Variants in TRAPPC9 observed in about 807,000 individuals in gnomAD.
TRAPPC9 encodes IKK2 binding protein.
In TRAPPC9, 83 loss-of-function variants were observed where a neutral mutation model predicts 124.0. That is an observed-to-expected ratio of 0.67 (90% CI 0.56 to 0.80). The LOEUF (loss-of-function observed/expected upper bound fraction) is 0.80, where lower values mean the gene tolerates loss of function less well. TRAPPC9 is among the 30% of genes least tolerant of loss of function. The pLI is 0.00. For synonymous variants in TRAPPC9, 638 were observed against 617.5 expected (o/e 1.03, Z -0.49); for missense variants, 1,302 against 1,508.3 (o/e 0.86, Z 2.27).
chr8:139,925,833 A>G lies in TRAPPC9; in HGVS notation c.2811-15533T>C, dbSNP rs199650839. On this transcript the variant is annotated intron_variant, in intron 19 of 22. Coordinates refer to ENST00000438773, the MANE Select transcript of TRAPPC9 (RefSeq NM_001160372.4). ...CGCACACGCACACGCACACGCACAC[A>G]CACACACACACACGTTTCAGATTTA... Among the ~76,000 whole-genome samples the G allele has an allele frequency of 8.3e-3, 1,240 of 149,604 alleles. 52 individuals are homozygous for G. The highest frequency in any genetic ancestry group is 0.066 in the Admixed American group (987 of 15,042).
At chr8:140,339,081 A>G (rs1367574063) in intron 9 of TRAPPC9, among the ~76,000 whole-genome samples, 1 of 151,010 alleles carries the variant, frequency 6.6e-6, no homozygotes, top group Admixed American at 6.6e-5. Flanking sequence ...GGCCACCTAC[A>G]GGCCGACGGG....
chr8:139,756,961 G>A (rs1189744434), intron 21 of TRAPPC9, among the ~76,000 whole-genome samples: 9 of 133,522 alleles, frequency 6.7e-5, no homozygotes, highest in South Asian at 2.6e-4. Flanking sequence ...ACAGCAGGTC[G>A]CAGGAGAAGC....
intron 21 of TRAPPC9, among the ~76,000 whole-genome samples, chr8:139,869,282 G>A (rs1357915211): frequency 6.6e-6 from 1 of 152,150 alleles, no homozygotes; most frequent in Non-Finnish European, 1.5e-5. Flanking sequence ...AGAAGGCAGG[G>A]GTGGTAGTTA....
At chr8:139,764,032 C>T (rs1820416813) in intron 21 of TRAPPC9, among the ~76,000 whole-genome samples, 1 of 152,146 alleles carries the variant, frequency 6.6e-6, no homozygotes, top group African/African-American at 2.4e-5. Context: ...GGTTGTGACC[C>T]CAGGGAGAAC....
chr8:139,858,670 G>T (rs1238286931), intron 21 of TRAPPC9, among the ~76,000 whole-genome samples: 1 of 152,030 alleles, frequency 6.6e-6, no homozygotes, highest in African/African-American at 2.4e-5. Context: ...CTCCCCAAGA[G>T]TCTGCTCGTC....
At chr8:140,245,518 T>C (rs2063963908) in intron 16 of TRAPPC9, among the ~76,000 whole-genome samples, 1 of 152,090 alleles carries the variant, frequency 6.6e-6, no homozygotes, top group South Asian at 2.1e-4. Context: ...AATTTAAAGT[T>C]TACCACTTTA....
At chr8:139,766,186 C>G (rs1005358366) in intron 21 of TRAPPC9, among the ~76,000 whole-genome samples, 1 of 152,226 alleles carries the variant, frequency 6.6e-6, no homozygotes, top group South Asian at 2.1e-4. Flanking sequence ...CAGCCTCAGG[C>G]TCCCTCACCA....
chr8:140,157,198 CAAA>C (rs2061663741), intron 17 of TRAPPC9, among the ~76,000 whole-genome samples: 6 of 63,944 alleles, frequency 9.4e-5, no homozygotes, highest in Admixed American at 1.9e-4. Context: ...CTTTTCCATT[CAAA>C]AGCCTCCCTT....
intron 17 of TRAPPC9, among the ~76,000 whole-genome samples, chr8:140,060,581 T>G (rs73725380): frequency 0.12 from 14,774 of 120,682 alleles, 1,027 homozygotes; most frequent in African/African-American, 0.22. Context: ...GCCCTACCCA[T>G]CCCTACCCAA....
At chr8:140,233,829 T>G (rs1249427201) in intron 16 of TRAPPC9, among the ~76,000 whole-genome samples, 1 of 150,424 alleles carries the variant, frequency 6.6e-6, no homozygotes, top group Non-Finnish European at 1.5e-5. Context: ...AAATCTTACC[T>G]CAGTAATTAT....
At chr8:139,966,374 C>T (rs1223277731) in intron 19 of TRAPPC9, among the ~76,000 whole-genome samples, 1 of 152,214 alleles carries the variant, frequency 6.6e-6, no homozygotes, top group Non-Finnish European at 1.5e-5. Context: ...GCTGAGACTT[C>T]TCACCCATCA....
At chr8:140,426,522 C>A (rs991670910) in intron 5 of TRAPPC9, 93 bp downstream of exon 5, 3 of 1,230,816 alleles carry the variant, frequency 2.4e-6, no homozygotes, top group Non-Finnish European at 2.4e-6. Context: ...TTCCAAAGAT[C>A]ATCATCCAGA....
chr8:139,939,817 A>T (rs1446044394), intron 19 of TRAPPC9, among the ~76,000 whole-genome samples: 1 of 152,212 alleles, frequency 6.6e-6, no homozygotes, highest in African/African-American at 2.4e-5. Context: ...CAGAATGGCA[A>T]CAAAAATGCC....
intron 17 of TRAPPC9, among the ~76,000 whole-genome samples, chr8:140,110,035 C>T (rs573494387): frequency 1.3e-5 from 2 of 152,220 alleles, no homozygotes; most frequent in African/African-American, 4.8e-5. Flanking sequence ...ACAGGCTCCG[C>T]ATGCCCCTGA....
intron 18 of TRAPPC9, among the ~76,000 whole-genome samples, chr8:139,990,594 C>CT (rs797022200): frequency 1.5e-3 from 227 of 147,102 alleles, no homozygotes; most frequent in African/African-American, 3.6e-3. Flanking sequence ...ATTTCTTTTT[C>CT]TTTTTTTTTT....
At chr8:140,102,248 ACT>A (rs1290850222) in intron 17 of TRAPPC9, among the ~76,000 whole-genome samples, 1 of 152,040 alleles carries the variant, frequency 6.6e-6, no homozygotes, top group Non-Finnish European at 1.5e-5. Flanking sequence ...AGTTTGTAAC[ACT>A]CTGTGTTAAC....
At chr8:140,436,671 C>T (rs1041098575) in intron 3 of TRAPPC9, among the ~76,000 whole-genome samples, 2 of 152,132 alleles carry the variant, frequency 1.3e-5, no homozygotes, top group African/African-American at 4.8e-5. Flanking sequence ...AGTCCAGCGC[C>T]GCATGGGGAA....
At chr8:140,365,985 A>G (rs1204187780) in intron 8 of TRAPPC9, among the ~76,000 whole-genome samples, 1 of 152,158 alleles carries the variant, frequency 6.6e-6, no homozygotes, top group Non-Finnish European at 1.5e-5. Flanking sequence ...ATGTGTTCTC[A>G]TAATTTAGCT....
chr8:140,001,059 A>T (rs1416876864), intron 18 of TRAPPC9, among the ~76,000 whole-genome samples: 3 of 152,254 alleles, frequency 2.0e-5, no homozygotes, highest in African/African-American at 4.8e-5. Flanking sequence ...GCCATAAAAA[A>T]GGATGAGTTT....
Sources: allele counts gnomAD v4.1 joint callset (sites outside exome capture counted in the v4.1 genomes callset), GRCh38; gene constraint gnomAD v4.1.1; transcripts MANE v1.5; gene names NCBI Gene and HGNC (gene_info 2026-07-23, HGNC 2026-07-21).